The following ST6GALNAC3 variants were observed in gnomAD, a reference collection of about 807,000 sequenced individuals.
The protein encoded by ST6GALNAC3 is ST6 N-acetylgalactosaminide alpha-2,6-sialyltransferase 3.
A neutral mutation model predicts 32.7 loss-of-function variants in ST6GALNAC3; 25 were observed. The observed-to-expected ratio is 0.76, with a 90% CI of 0.56 to 1.07. ST6GALNAC3 has a LOEUF of 1.07. Ranked by LOEUF, ST6GALNAC3 falls within the 50% of genes least tolerant of loss-of-function variation. ST6GALNAC3 has a pLI of 0.00. For synonymous variants in ST6GALNAC3, 129 were observed against 133.1 expected (o/e 0.97, Z 0.21); for missense variants, 355 against 382.4 (o/e 0.93, Z 0.60).
intron 2 of ST6GALNAC3, among the ~76,000 whole-genome samples, chr1:76,322,368 C>T (rs61771479): frequency 0.11 from 17,133 of 152,110 alleles, 1,093 homozygotes; most frequent in Non-Finnish European, 0.14. Context: ...CAGCAATGAA[C>T]TGTAATTTAA....
chr1:76,266,955 C>T (rs1178144208), intron 1 of ST6GALNAC3, among the ~76,000 whole-genome samples: 3 of 152,160 alleles, frequency 2.0e-5, no homozygotes, highest in Non-Finnish European at 2.9e-5. Context: ...CGGATATGCT[C>T]GGGTCTTGTT....
intron 3 of ST6GALNAC3, among the ~76,000 whole-genome samples, chr1:76,522,951 C>G (rs1036329483): frequency 6.6e-6 from 1 of 152,064 alleles, no homozygotes; most frequent in South Asian, 2.1e-4. Context: ...AACTGTATGA[C>G]AAAGGCTTTT....
Position 76,630,760 on chromosome 1 carries a change from A to G in ST6GALNAC3, c.*1954A>G. ...AAGCCCCAGTTCTATCGTTGGAAGG[A>G]GTTGTTATTCTTTTGTTGTTCCCTT... On this transcript the variant is annotated 3_prime_UTR_variant, in exon 5 of 5. Coordinates refer to ENST00000328299, the MANE Select transcript of ST6GALNAC3 (RefSeq NM_152996.4). 1 of 985,620 alleles carries G rather than the reference A, an allele frequency of 1.0e-6. No homozygotes were observed. Among genetic ancestry groups the G allele is most frequent in the Non-Finnish European group, 1.2e-6 (1 of 829,834 alleles). 61.1% of individuals were successfully genotyped at this position (985,620 alleles called of 1,614,324 possible). A position where few individuals can be genotyped will look rare whatever the true frequency, so the allele number is the denominator to read the frequency against.
At position 76,422,924 on chromosome 1, in the gene ST6GALNAC3, G is replaced by A. The variant is rs541891358; in HGVS notation, c.623+10507G>A. 3.7e-4 allele frequency among the ~76,000 whole-genome samples: 56 copies of A among 152,004 alleles called. 1 individual carries two copies. Among genetic ancestry groups the A allele is most frequent in the African/African-American group, 1.3e-3 (56 of 41,490 alleles). On this transcript the variant is annotated intron_variant, in intron 3 of 4. Transcript: ENST00000328299. ...GTCATTTTATTCTTCACTTTCTTAA[G>A]ATCTTGCTCCTCTGTAATTATACCA...
rs1256106432 is a variant in ST6GALNAC3 at position 76,074,830 on chromosome 1, G to T, written c.-37G>T. ...CCAGGACTGCCCCTGACCCAGGCGC[G>T]CCCGCTGCTCGGTGGCAGGAGGGCC... On this transcript the variant is annotated 5_prime_UTR_variant, in exon 1 of 5. Transcript: ENST00000328299. The T allele has an allele frequency of 6.4e-7, 1 of 1,571,346 alleles. No individual in the cohort carries two copies. The highest frequency in any genetic ancestry group is 8.6e-7 in the Non-Finnish European group (1 of 1,158,642).
chr1:76,337,485 TC>T (rs1321037977), intron 2 of ST6GALNAC3, among the ~76,000 whole-genome samples: 9 of 152,146 alleles, frequency 5.9e-5, no homozygotes, highest in Non-Finnish European at 1.0e-4. Flanking sequence ...ACCAGTGTCC[TC>T]CATTCGGGGG....
chr1:76,458,484 C>T (rs1333964828), intron 3 of ST6GALNAC3, among the ~76,000 whole-genome samples: 1 of 125,640 alleles, frequency 8.0e-6, no homozygotes, highest in Non-Finnish European at 1.7e-5. Flanking sequence ...TGGAACCAAC[C>T]CAAATGTCCA....
chr1:76,336,185 G>A (rs1557798471), intron 2 of ST6GALNAC3, among the ~76,000 whole-genome samples: 1 of 152,156 alleles, frequency 6.6e-6, no homozygotes, highest in Admixed American at 6.5e-5. Context: ...AGAACACAGG[G>A]GAGATTGCAT....
At chr1:76,199,834 A>G (rs17098330) in intron 1 of ST6GALNAC3, among the ~76,000 whole-genome samples, 12,787 of 152,318 alleles carry the variant, frequency 0.084, 597 homozygotes, top group African/African-American at 0.12. Context: ...TCATATATGA[A>G]TTAAAACCCT....
chr1:76,364,565 T>C (rs1650220561), intron 2 of ST6GALNAC3, among the ~76,000 whole-genome samples: 1 of 151,218 alleles, frequency 6.6e-6, no homozygotes, highest in Non-Finnish European at 1.5e-5. Context: ...TAAAATAAAA[T>C]AAATAAAATA....
intron 1 of ST6GALNAC3, among the ~76,000 whole-genome samples, chr1:76,201,040 C>T (rs1171170536): frequency 6.6e-6 from 1 of 151,530 alleles, no homozygotes; most frequent in Non-Finnish European, 1.5e-5. Flanking sequence ...AAATTGTACC[C>T]CAATGCAGCA....
intron 1 of ST6GALNAC3, among the ~76,000 whole-genome samples, chr1:76,235,027 C>G (rs1051144768): frequency 2.0e-5 from 3 of 152,142 alleles, no homozygotes; most frequent in Non-Finnish European, 4.4e-5. Context: ...TGGTTAAACT[C>G]AAAGTAGCAG....
intron 3 of ST6GALNAC3, among the ~76,000 whole-genome samples, chr1:76,545,078 C>G (rs1292922155): frequency 1.3e-5 from 2 of 152,170 alleles, no homozygotes; most frequent in African/African-American, 4.8e-5. Flanking sequence ...CTGCAACTGC[C>G]TTAGGCAGGA....
intron 1 of ST6GALNAC3, among the ~76,000 whole-genome samples, chr1:76,174,431 G>A (rs77611318): frequency 2.1e-5 from 3 of 141,392 alleles, no homozygotes; most frequent in Non-Finnish European, 4.7e-5. Flanking sequence ...GTATCTCATT[G>A]TTTTTTTTTT....
intron 1 of ST6GALNAC3, among the ~76,000 whole-genome samples, chr1:76,268,652 T>A (rs1435773349): frequency 6.6e-6 from 1 of 152,224 alleles, no homozygotes; most frequent in Non-Finnish European, 1.5e-5. Context: ...TTCCCACAGT[T>A]TGACAGCAAC....
chr1:76,418,160 T>C (rs559205855), intron 3 of ST6GALNAC3, among the ~76,000 whole-genome samples: 44 of 152,222 alleles, frequency 2.9e-4, no homozygotes, highest in African/African-American at 9.6e-4. Context: ...GCAGCCCAGG[T>C]TTTGCTATTT....
At chr1:76,436,686 C>A (rs1276020997) in intron 3 of ST6GALNAC3, among the ~76,000 whole-genome samples, 1 of 152,036 alleles carries the variant, frequency 6.6e-6, no homozygotes, top group Non-Finnish European at 1.5e-5. Flanking sequence ...TCATTTAATT[C>A]TTACAATAAT....
chr1:76,617,944 G>T (rs528653690), intron 3 of ST6GALNAC3, among the ~76,000 whole-genome samples: 1 of 152,274 alleles, frequency 6.6e-6, no homozygotes, highest in South Asian at 2.1e-4. Context: ...GCAGCATAAA[G>T]CTATTGTTTG....
intron 3 of ST6GALNAC3, among the ~76,000 whole-genome samples, chr1:76,616,220 GTGA>G (rs1300848087): frequency 6.6e-6 from 1 of 152,152 alleles, no homozygotes; most frequent in Non-Finnish European, 1.5e-5. Flanking sequence ...CCTTCACTAA[GTGA>G]GGAGTTTAAC....
Sources: allele counts gnomAD v4.1 joint callset (sites outside exome capture counted in the v4.1 genomes callset), GRCh38; gene constraint gnomAD v4.1.1; transcripts MANE v1.5; gene names NCBI Gene and HGNC (gene_info 2026-07-23, HGNC 2026-07-21).